The following BRWD1 variants were observed in gnomAD, a reference collection of about 807,000 sequenced individuals.
BRWD1 encodes the protein bromodomain and WD repeat domain containing 1, also known as bromodomain and WD repeat-containing protein 1.
Under a neutral mutation model 251.2 loss-of-function variants are expected in BRWD1, and 82 were observed. The observed-to-expected ratio is 0.33, with a 90% CI of 0.27 to 0.39. BRWD1 has a LOEUF of 0.39. BRWD1 is among the 10% of genes least tolerant of loss of function. BRWD1 has a pLI of 1.00. For synonymous variants in BRWD1, 918 were observed against 902.8 expected, an observed-to-expected ratio of 1.02 and a Z score of -0.30; for missense variants, 2,233 against 2,711.6, an observed-to-expected ratio of 0.82 and a Z score of 3.92.
chr21:39,215,436 G>A, intron 31 of BRWD1, 74 bp from the exon 32 acceptor site: 4 of 1,275,792 alleles, frequency 3.1e-6, no homozygotes, highest in Non-Finnish European at 2.2e-6. Context: ...TGCAGCATGT[G>A]AATTAAACAA....
At chr21:39,270,934 C>A (rs890903508) in intron 13 of BRWD1, among the ~76,000 whole-genome samples, 8 of 152,222 alleles carry the variant, frequency 5.3e-5, no homozygotes, top group African/African-American at 1.9e-4. Context: ...ACAGTCTACT[C>A]CTACAGGCCC....
In BRWD1 at chr21:39,196,020, C is replaced by A. The variant is rs1329431110; in HGVS notation, c.*239G>T. The A allele has an allele frequency of 2.5e-6, 3 of 1,222,174 alleles. No individual in the cohort carries two copies. In the East Asian group the frequency reaches 1.2e-4, roughly 48 times the overall value. 75.7% of individuals were successfully genotyped at this position (1,222,174 alleles called of 1,614,324 possible). On this transcript the variant is annotated 3_prime_UTR_variant, in exon 41 of 41. Transcript: ENST00000342449. ...AACTCTTGCTATATGTAGTCAAATA[C>A]TGTCAAAATAGATCTGCCCCCAAAA...
At position 39,310,344 on chromosome 21, in the gene BRWD1, C is replaced by CT. The variant is rs565384036; in HGVS notation, c.198+2496dup. Among the ~76,000 whole-genome samples the CT allele has an allele frequency of 1.8e-4, 28 of 152,130 alleles. No homozygotes were observed. The East Asian group carries it at 5.4e-3, about 29-fold the overall frequency. On this transcript the variant is annotated intron_variant, in intron 4 of 40. Transcript: ENST00000342449. ...CAGCCTGGCCAACATGGTGAAACCC[C>CT]TTCTCCACTAAAAATATAAAAATTA...
At chr21:39,311,561 C>G (rs945704680) in intron 4 of BRWD1, among the ~76,000 whole-genome samples, 1 of 152,198 alleles carries the variant, frequency 6.6e-6, no homozygotes, top group Non-Finnish European at 1.5e-5. Flanking sequence ...ACCAGTAATG[C>G]TTTTCCGCTT....
intron 29 of BRWD1, among the ~76,000 whole-genome samples, chr21:39,219,245 A>ACC (rs1165704729): frequency 6.6e-6 from 1 of 152,048 alleles, no homozygotes; most frequent in Non-Finnish European, 1.5e-5. Flanking sequence ...ACGTGGCAAA[A>ACC]CCCCATCTCT....
intron 7 of BRWD1, among the ~76,000 whole-genome samples, chr21:39,294,708 G>A (rs550036316): frequency 2.7e-5 from 4 of 150,818 alleles, no homozygotes; most frequent in Admixed American, 2.0e-4. Context: ...TGATGAATGT[G>A]ATGAATGTTG....
rs985438251 is a variant in BRWD1 at position 39,202,058 on chromosome 21, A to G, written c.4585+267T>C. 2.6e-5 allele frequency among the ~76,000 whole-genome samples: 4 copies of G among 152,384 alleles called. No individual in the cohort carries two copies. The East Asian group carries it at 7.7e-4, about 29-fold the overall frequency. On this transcript the variant is annotated intron_variant, in intron 38 of 40. Coordinates refer to ENST00000342449, the MANE Select transcript of BRWD1 (RefSeq NM_033656.4). Reference sequence around the variant, plus strand: ...CTTAATTTTTAAATTAAAAAGATACAAAAACTTCAAATGCTGCACACCAAG... The same window carrying G: ...CTTAATTTTTAAATTAAAAAGATACGAAAACTTCAAATGCTGCACACCAAG...
At position 39,199,026 on chromosome 21, in the gene BRWD1, C is replaced by T. The variant is rs939017055; in HGVS notation, c.5390G>A (p.Arg1797Lys). The T allele has an allele frequency of 3.7e-6, 6 of 1,614,120 alleles. No individual in the cohort carries two copies. The highest frequency in any genetic ancestry group is 5.1e-6 in the Non-Finnish European group (6 of 1,180,030). ...ISEEADSEPG[R>K]SGGRKYNTFH... ...TGTATTGTATTTCCTACCACCAGAT[C>T]TTCCTGGTTCAGAATCTGCTTCCTC... is the stretch of plus-strand genomic sequence containing the variant. The change falls in exon 40 of 41, where the codon AGA becomes AAA. Residue 1797 changes from arginine to lysine, a missense_variant. Around this residue, in one of 12 missense-constraint regions of BRWD1, gnomAD observed 928 missense variants for 970.0 expected, o/e 0.96. Coordinates refer to ENST00000342449, the MANE Select transcript of BRWD1 (RefSeq NM_033656.4).
chr21:39,283,934 C>A (rs1217524365), intron 8 of BRWD1, among the ~76,000 whole-genome samples: 1 of 152,082 alleles, frequency 6.6e-6, no homozygotes, highest in African/African-American at 2.4e-5. Context: ...TAAAAGTCTT[C>A]TTTGGCCTAG....
chr21:39,281,154 TAGAG>T (rs2035445048), intron 8 of BRWD1, among the ~76,000 whole-genome samples: 1 of 152,138 alleles, frequency 6.6e-6, no homozygotes. Flanking sequence ...GGTAAATGAA[TAGAG>T]AATCTGGATG....
intron 23 of BRWD1, chr21:39,235,661 C>T (rs1314695859): frequency 1.8e-5 from 4 of 217,772 alleles, no homozygotes; most frequent in Non-Finnish European, 4.0e-5. Flanking sequence ...CCCAAGTCGG[C>T]TCCTTAACAA....
At chr21:39,249,915 G>GTGTGTGTGT (rs1568915296) in intron 20 of BRWD1, among the ~76,000 whole-genome samples, 28 of 68,620 alleles carry the variant, frequency 4.1e-4, no homozygotes, top group Admixed American at 9.2e-4. Context: ...AAAGAAGGGG[G>GTGTGTGTGT]GTGTGTGTGT....
At chr21:39,307,637 A>G (rs1158234886) in intron 4 of BRWD1, among the ~76,000 whole-genome samples, 1 of 152,220 alleles carries the variant, frequency 6.6e-6, no homozygotes. Context: ...GAATCAGGTT[A>G]TGATAGAAGA....
chr21:39,314,670 G>C (rs919608720), upstream of BRWD1: 2 of 281,004 alleles, frequency 7.1e-6, no homozygotes, highest in African/African-American at 2.3e-5. Flanking sequence ...GTAACACTCA[G>C]TGGTGTCCCT....
At chr21:39,281,933 T>C (rs1413705957) in intron 8 of BRWD1, among the ~76,000 whole-genome samples, 1 of 149,214 alleles carries the variant, frequency 6.7e-6, no homozygotes, top group South Asian at 2.1e-4. Flanking sequence ...TATACATACA[T>C]ATACATGTGT....
Position 39,191,081 on chromosome 21 carries a change from T to C in BRWD1, c.*5178A>G, listed in dbSNP as rs1345631883. 1.0e-6 allele frequency: 1 copy of C among 985,252 alleles called. No individual in the cohort carries two copies. The highest frequency in any genetic ancestry group is 1.1e-4 in the East Asian group (1 of 8,830). The allele number at this position is 985,252 out of a possible 1,614,324, so 61.0% of individuals were successfully genotyped here. A position where few individuals can be genotyped will look rare whatever the true frequency, so the allele number is the denominator to read the frequency against. Reference sequence around the variant, plus strand: ...CTTTATACTTAACTGCTTAATTTGCTTTTTAGAAGCAATACCTTAAGAGCA... The same window carrying C: ...CTTTATACTTAACTGCTTAATTTGCCTTTTAGAAGCAATACCTTAAGAGCA... On this transcript the variant is annotated 3_prime_UTR_variant, in exon 41 of 41. Transcript: ENST00000342449.
At chr21:39,250,710 A>C in intron 20 of BRWD1, 86 bp downstream of exon 20, 1 of 841,126 alleles carries the variant, frequency 1.2e-6, no homozygotes, top group Admixed American at 3.0e-5. Context: ...TTCAGATGAA[A>C]GTTACTGATA....
intron 1 of BRWD1, 35 bp from the exon 2 acceptor site, chr21:39,313,334 C>A (rs772664043): frequency 1.4e-6 from 2 of 1,475,432 alleles, no homozygotes; most frequent in African/African-American, 3.0e-5. Flanking sequence ...CAAGCCCCGG[C>A]GGGGAGGGGA....
intron 27 of BRWD1, among the ~76,000 whole-genome samples, chr21:39,225,817 T>C (rs2033361995): frequency 1.3e-5 from 2 of 152,186 alleles, no homozygotes; most frequent in African/African-American, 4.8e-5. Flanking sequence ...TTTACATATA[T>C]TTTACTTCAA....
Sources: allele counts gnomAD v4.1 joint callset (sites outside exome capture counted in the v4.1 genomes callset), GRCh38; gene constraint gnomAD v4.1.1; regional missense constraint gnomAD v4.1.1; transcripts MANE v1.5; gene names NCBI Gene and HGNC (gene_info 2026-07-23, HGNC 2026-07-21).